CENPE: variants seen among roughly 807,000 people sequenced by gnomAD.
The protein encoded by CENPE is centromere protein E.
In CENPE, 145 loss-of-function variants were observed where a neutral mutation model predicts 336.1. That is an observed-to-expected ratio of 0.43 (90% CI 0.38 to 0.50). The LOEUF (loss-of-function observed/expected upper bound fraction) is 0.50, where lower values mean the gene tolerates loss of function less well. Among genes scored for constraint, CENPE ranks in the 20% least tolerant of loss-of-function variants. CENPE has a pLI of 0.00. For missense variants in CENPE, 2,719 were observed against 3,023.3 expected (o/e 0.90, Z 2.36); for synonymous variants, 1,013 against 984.8 (o/e 1.03, Z -0.54).
chr4:103,197,923 CTG>C (rs1271671573), intron 1 of CENPE, among the ~76,000 whole-genome samples: 1 of 152,236 alleles, frequency 6.6e-6, no homozygotes, highest in Non-Finnish European at 1.5e-5. Context: ...AAATGACTAA[CTG>C]TGATGAGGGC....
chr4:103,144,171 C>T (rs1483015718), intron 33 of CENPE, among the ~76,000 whole-genome samples, 160 bp downstream of exon 33: 2 of 152,086 alleles, frequency 1.3e-5, no homozygotes, highest in Non-Finnish European at 2.9e-5. Flanking sequence ...CTCCTGACCT[C>T]GTGATCTGCC....
intron 33 of CENPE, 94 bp downstream of exon 33, chr4:103,144,236 TG>T: frequency 1.7e-6 from 2 of 1,149,784 alleles, no homozygotes; most frequent in Non-Finnish European, 2.5e-6. Context: ...GCGCCCGGCC[TG>T]GACCAATTTT....
At chr4:103,174,430 G>A (rs1386292392) in intron 16 of CENPE, among the ~76,000 whole-genome samples, 1 of 151,924 alleles carries the variant, frequency 6.6e-6, no homozygotes, top group African/African-American at 2.4e-5. Context: ...CAGCTCTATT[G>A]TACAGCAAGG....
chr4:103,166,598 T>C (rs1015173744), intron 16 of CENPE, among the ~76,000 whole-genome samples: 1 of 152,234 alleles, frequency 6.6e-6, no homozygotes, highest in Non-Finnish European at 1.5e-5. Flanking sequence ...TGGCATAGAA[T>C]TCTTTTTTCC....
rs201557442 is a variant in CENPE at position 103,149,105 on chromosome 4, G to C, written c.3687+13C>G. 6.3e-7 allele frequency: 1 copy of C among 1,584,076 alleles called. No individual in the cohort carries two copies. Among genetic ancestry groups the C allele is most frequent in the Non-Finnish European group, 8.5e-7 (1 of 1,171,880 alleles). ...GAAACACTTAATAGATGAAGGAAAA[G>C]GGTATAACTTACTGTAGCTTCAATT... On this transcript the variant is annotated intron_variant, in intron 27 of 48. Transcript: ENST00000265148.
chr4:103,182,528 A>C (rs1416526180), intron 11 of CENPE, among the ~76,000 whole-genome samples: 3 of 152,200 alleles, frequency 2.0e-5, no homozygotes, highest in African/African-American at 7.2e-5. Flanking sequence ...AGTTATTTTA[A>C]AAATATCAAG....
chr4:103,130,305 A>C (rs1751472915), intron 42 of CENPE, among the ~76,000 whole-genome samples: 2 of 152,368 alleles, frequency 1.3e-5, no homozygotes, highest in South Asian at 4.1e-4. Flanking sequence ...GGAACTAAAT[A>C]AGCAACTATC....
intron 8 of CENPE, among the ~76,000 whole-genome samples, chr4:103,190,090 G>A (rs1165289721): frequency 3.9e-5 from 6 of 152,194 alleles, no homozygotes; most frequent in Non-Finnish European, 7.3e-5. Flanking sequence ...TATAAGGGAT[G>A]TGAAGGACCT....
At chr4:103,196,598 T>C (rs1273085078) in intron 2 of CENPE, among the ~76,000 whole-genome samples, 161 bp downstream of exon 2, 1 of 152,208 alleles carries the variant, frequency 6.6e-6, no homozygotes, top group Non-Finnish European at 1.5e-5. Flanking sequence ...TTGGTTACCT[T>C]ACTTAAATAC....
At chr4:103,196,984 T>C in intron 1 of CENPE, 134 bp from the exon 2 acceptor site, 4 of 648,518 alleles carry the variant, frequency 6.2e-6, no homozygotes, top group Non-Finnish European at 1.1e-5. Flanking sequence ...AGTCCATCTT[T>C]GAGGATTCAA....
rs917630755 is a variant in CENPE, at chr4:103,141,736, C to G, written c.5463+14G>C. ...AATTAGATATCCAATCAAACAATCC[C>G]CCCATAAAAATACCTTTTCTTGTAA... On this transcript the variant is annotated intron_variant, in intron 35 of 48. Coordinates refer to ENST00000265148, the MANE Select transcript of CENPE (RefSeq NM_001813.3). 4.0e-6 allele frequency: 6 copies of G among 1,490,810 alleles called. No homozygotes were observed. The Admixed American group carries it at 1.2e-4, about 29-fold the overall frequency. The allele number at this position is 1,490,810 out of a possible 1,614,324, so 92.3% of individuals were successfully genotyped here.
chr4:103,114,402 TTG>T lies in CENPE; in HGVS notation c.7540+51_7540+52del. On this transcript the variant is annotated intron_variant, in intron 46 of 48. Transcript: ENST00000265148. ...ACATAATATTAGTCTTCAAAGTCTG[TTG>T]TGTGTTGAGAAGTAAAATTTCATCT... is the stretch of plus-strand genomic sequence containing the variant. 3 of 1,050,586 alleles carry T rather than the reference TTG, an allele frequency of 2.9e-6. No individual in the cohort carries two copies. The South Asian group carries it at 3.8e-5, about 13-fold the overall frequency. The allele number at this position is 1,050,586 out of a possible 1,614,324, so 65.1% of individuals were successfully genotyped here.
chr4:103,138,050 C>T (rs951503152), intron 39 of CENPE, among the ~76,000 whole-genome samples: 1 of 152,202 alleles, frequency 6.6e-6, no homozygotes, highest in African/African-American at 2.4e-5. Context: ...TTTGTACTCG[C>T]TGTTCCCTTT....
At chr4:103,155,386 T>A (rs1038694308) in intron 24 of CENPE, among the ~76,000 whole-genome samples, 1 of 152,170 alleles carries the variant, frequency 6.6e-6, no homozygotes, top group Non-Finnish European at 1.5e-5. Context: ...CTGGGCTCAC[T>A]GCAGCCTCAA....
chr4:103,154,004 C>T (rs889852956), intron 24 of CENPE, among the ~76,000 whole-genome samples: 5 of 151,998 alleles, frequency 3.3e-5, no homozygotes, highest in South Asian at 2.1e-4. Flanking sequence ...AAATAAGTCA[C>T]GACCAAATGT....
intron 16 of CENPE, among the ~76,000 whole-genome samples, chr4:103,171,707 A>G (rs987803930): frequency 6.6e-6 from 1 of 151,238 alleles, no homozygotes; most frequent in African/African-American, 2.4e-5. Flanking sequence ...CAAAATAAAG[A>G]GTTTTTTTTT....
Position 103,136,227 on chromosome 4 carries a change from A to G in CENPE, c.6436T>C (p.Tyr2146His). Residue 2146 changes from tyrosine to histidine, a missense_variant, in exon 40 of 49, where the codon TAT (tyrosine) becomes CAT (histidine). This residue lies in a region of CENPE where 2,437 missense variants were observed against 2,513.3 expected (regional missense o/e 0.97). Coordinates refer to ENST00000265148, the MANE Select transcript of CENPE (RefSeq NM_001813.3). ...MRVKANLSLP[Y>H]LQTKHIEKLF... ...TTTTCAATGTGTTTGGTTTGTAAAT[A>G]GGGAAGTGAGAGGTTTGCTTTAACT... is the stretch of plus-strand genomic sequence containing the variant. 1 of 1,613,850 alleles carries G rather than the reference A, an allele frequency of 6.2e-7. No individual in the cohort carries two copies. Among genetic ancestry groups the G allele is most frequent in the Non-Finnish European group, 8.5e-7 (1 of 1,179,820 alleles).
At position 103,144,924 on chromosome 4, in the gene CENPE, T is replaced by C. The variant is rs1578601338; in HGVS notation, c.4857+126A>G. 3.4e-6 allele frequency: 3 copies of C among 869,924 alleles called. 1 individual carries two copies. Among genetic ancestry groups the C allele is most frequent in the Middle Eastern group, 3.7e-4 (1 of 2,696 alleles). The allele number at this position is 869,924 out of a possible 1,614,324, so 53.9% of individuals were successfully genotyped here. A position where few individuals can be genotyped will look rare whatever the true frequency, so the allele number is the denominator to read the frequency against. ...TCAGTTGAATATAAGCAGTTTTTGATTCCTCTTTTATTTCCGGTCCCTTTA... is the reference window on the plus strand; with the variant it reads ...TCAGTTGAATATAAGCAGTTTTTGACTCCTCTTTTATTTCCGGTCCCTTTA... On this transcript the variant is annotated intron_variant, in intron 32 of 48. Coordinates refer to ENST00000265148, the MANE Select transcript of CENPE (RefSeq NM_001813.3).
In CENPE at chr4:103,147,572, A is replaced by G. The variant is rs185659943; in HGVS notation, c.3918T>C (p.Asn1306=). ...KEVSETQETM[N]ELELLTEQST... ...ACTGTTCTGTTAATAACTCCAGTTCATTCATTGTTTCCTGAGTCTCACTGA... is the reference window on the plus strand; with the variant it reads ...ACTGTTCTGTTAATAACTCCAGTTCGTTCATTGTTTCCTGAGTCTCACTGA... The change falls in exon 29 of 49, where the codon AAT becomes AAC. Residue 1306 remains asparagine, a synonymous_variant. Coordinates refer to ENST00000265148, the MANE Select transcript of CENPE (RefSeq NM_001813.3). 73 of 1,613,906 alleles carry G rather than the reference A, an allele frequency of 4.5e-5. No homozygotes were observed. The highest frequency in any genetic ancestry group is 6.0e-5 in the Non-Finnish European group (71 of 1,179,972).
Sources: allele counts gnomAD v4.1 joint callset (sites outside exome capture counted in the v4.1 genomes callset), GRCh38; gene constraint gnomAD v4.1.1; regional missense constraint gnomAD v4.1.1; transcripts MANE v1.5; gene names NCBI Gene and HGNC (gene_info 2026-07-23, HGNC 2026-07-21).